EXOC5: variants seen among roughly 807,000 people sequenced by gnomAD.
EXOC5 encodes the protein SEC10-like 1.
Under a neutral mutation model 90.8 loss-of-function variants are expected in EXOC5, and 17 were observed. That is an observed-to-expected ratio of 0.19 (90% CI 0.13 to 0.28). The LOEUF (loss-of-function observed/expected upper bound fraction) is 0.28. Ranked by LOEUF, EXOC5 falls within the 10% of genes least tolerant of loss-of-function variation. The pLI is 1.00. For missense variants in EXOC5, 569 were observed against 830.6 expected (o/e 0.69, Z 3.87); for synonymous variants, 260 against 270.0 (o/e 0.96, Z 0.36).
At chr14:57,248,625 A>C (rs1037729853) in intron 1 of EXOC5, among the ~76,000 whole-genome samples, 3 of 152,066 alleles carry the variant, frequency 2.0e-5, no homozygotes, top group South Asian at 4.1e-4. Flanking sequence ...ACTAATACAC[A>C]CTAATTTACA....
rs1046655347 is a variant in EXOC5 at position 57,229,677 on chromosome 14, C to T, written c.1296+57G>A. ...ATCCTCGGAGGTTCTGGAATCAATT[C>T]CCCACAGATATCAAGGAACAACTGT... On this transcript the variant is annotated intron_variant, in intron 12 of 17. Transcript: ENST00000621441. 5 of 1,285,408 alleles carry T rather than the reference C, an allele frequency of 3.9e-6. No homozygotes were observed. In the African/African-American group the frequency reaches 5.9e-5, roughly 15 times the overall value. The allele number at this position is 1,285,408 out of a possible 1,614,324, so 79.6% of individuals were successfully genotyped here.
rs1882631986 is a variant in EXOC5, at chr14:57,205,752, A to G, written c.*2857T>C. On this transcript the variant is annotated 3_prime_UTR_variant, in exon 18 of 18. Coordinates refer to ENST00000621441, the MANE Select transcript of EXOC5 (RefSeq NM_006544.4). ...ATATTTAGAAGTGAAAGAGGGGGGA[A>G]AAAAGAATGATCTACAATGTAATAT... 1 of 392,720 alleles carries G rather than the reference A, an allele frequency of 2.5e-6. No homozygotes were observed. The allele number at this position is 392,720 out of a possible 1,614,324, so 24.3% of individuals were successfully genotyped here.
At chr14:57,252,040 C>T (rs1884211985) in intron 1 of EXOC5, among the ~76,000 whole-genome samples, 1 of 152,114 alleles carries the variant, frequency 6.6e-6, no homozygotes, top group South Asian at 2.1e-4. Context: ...CACCTATAGC[C>T]AGTAAGGGGA....
chr14:57,260,636 T>C (rs1451383885), intron 1 of EXOC5, among the ~76,000 whole-genome samples: 1 of 152,164 alleles, frequency 6.6e-6, no homozygotes, highest in Non-Finnish European at 1.5e-5. Context: ...ACAATTCCTG[T>C]TACACTAGTC....
At chr14:57,217,835 G>A (rs934200293) in intron 15 of EXOC5, 147 bp downstream of exon 15, 6 of 618,814 alleles carry the variant, frequency 9.7e-6, no homozygotes, top group East Asian at 2.9e-5. Context: ...TAATAAGGAT[G>A]AAGGCAATAT....
chr14:57,266,426 T>C (rs1188872888), intron 1 of EXOC5, among the ~76,000 whole-genome samples: 1 of 152,210 alleles, frequency 6.6e-6, no homozygotes, highest in Non-Finnish European at 1.5e-5. Flanking sequence ...GCTGGATTCA[T>C]AGCAGTACCA....
Position 57,208,058 on chromosome 14 carries a change from TCAAC to T in EXOC5, c.*547_*550del, listed in dbSNP as rs1882710327. 1 of 152,190 alleles carries T rather than the reference TCAAC, an allele frequency of 6.6e-6. No individual in the cohort carries two copies. The highest frequency in any genetic ancestry group is 1.5e-5 in the Non-Finnish European group (1 of 68,070). The allele number at this position is 152,190 out of a possible 1,614,324, so 9.4% of individuals were successfully genotyped here. ...TGCTGTACCTCAGAAAAAAATCCAA[TCAAC>T]CAACTGCAGAAAGTATGCTTAATTG... On this transcript the variant is annotated 3_prime_UTR_variant, in exon 18 of 18. Transcript: ENST00000621441.
At chr14:57,253,785 G>A (rs1272114092) in intron 1 of EXOC5, among the ~76,000 whole-genome samples, 3 of 152,186 alleles carry the variant, frequency 2.0e-5, no homozygotes, top group Non-Finnish European at 2.9e-5. Flanking sequence ...AGCAAATAAT[G>A]CTGGGAAAAC....
chr14:57,224,664 TC>T (rs1182325189), intron 12 of EXOC5, among the ~76,000 whole-genome samples: 1 of 152,092 alleles, frequency 6.6e-6, no homozygotes. Context: ...GAATACCAAT[TC>T]TACTCAAACT....
Position 57,234,766 on chromosome 14 carries a change from T to C in EXOC5, c.670-734A>G, listed in dbSNP as rs879923579. Among the ~76,000 whole-genome samples, 20 of 151,906 alleles carry C rather than the reference T, an allele frequency of 1.3e-4. 1 individual carries two copies. The highest frequency in any genetic ancestry group is 2.6e-4 in the Non-Finnish European group (18 of 67,952). ...TTTCTGTAGAGACAGGGTCTCACCATGTTGCCTAAGCTGATCTCGAACTCC... is the reference window on the plus strand; with the variant it reads ...TTTCTGTAGAGACAGGGTCTCACCACGTTGCCTAAGCTGATCTCGAACTCC... On this transcript the variant is annotated intron_variant, in intron 7 of 17. Transcript: ENST00000621441.
At chr14:57,243,148 T>C (rs1244456181) in intron 4 of EXOC5, 2 of 152,184 alleles carry the variant, frequency 1.3e-5, no homozygotes, top group Admixed American at 6.5e-5. Context: ...TTGGATACAG[T>C]GTACAATGTT....
rs577699140 is a variant in EXOC5 at position 57,231,730 on chromosome 14, G to A, written c.939-15C>T. 1.3e-4 allele frequency: 199 copies of A among 1,538,162 alleles called. 1 individual carries two copies. The African/African-American group carries it at 2.2e-3, about 17-fold the overall frequency. On this transcript the variant is annotated splice_polypyrimidine_tract_variant and intron_variant, in intron 10 of 17. Coordinates refer to ENST00000621441, the MANE Select transcript of EXOC5 (RefSeq NM_006544.4). ...GATTGGTGGTTCTTTTCATGAAAAA[G>A]GGGGAGAAAAAGATTAATATACATT...
chr14:57,262,463 C>G (rs1373741294), intron 1 of EXOC5, among the ~76,000 whole-genome samples: 1 of 151,602 alleles, frequency 6.6e-6, no homozygotes, highest in African/African-American at 2.4e-5. Context: ...TTCTGAGTTA[C>G]TAATTCATAT....
chr14:57,220,008 T>C (rs1883080408), intron 13 of EXOC5, among the ~76,000 whole-genome samples: 1 of 152,124 alleles, frequency 6.6e-6, no homozygotes, highest in Admixed American at 6.6e-5. Context: ...GATTTCCATT[T>C]CCTCCTTTTT....
chr14:57,205,149 G>A lies in EXOC5; in HGVS notation c.*3460C>T, dbSNP rs1036750545. Reference sequence around the variant, plus strand: ...TATGTGCAAAGGACTTATTAGCACAGTGTGTGAGACTTAAATCAATACATG... The same window carrying A: ...TATGTGCAAAGGACTTATTAGCACAATGTGTGAGACTTAAATCAATACATG... On this transcript the variant is annotated 3_prime_UTR_variant, in exon 18 of 18. Transcript: ENST00000621441. 3 of 152,008 alleles carry A rather than the reference G, an allele frequency of 2.0e-5. No homozygotes were observed. Among genetic ancestry groups the A allele is most frequent in the South Asian group, 2.1e-4 (1 of 4,832 alleles). The allele number at this position is 152,008 out of a possible 1,614,324, so 9.4% of individuals were successfully genotyped here.
At chr14:57,268,448 C>T (rs1884760218) in intron 1 of EXOC5, 174 bp downstream of exon 1, 1 of 1,481,896 alleles carries the variant, frequency 6.7e-7, no homozygotes, top group South Asian at 1.3e-5. Context: ...CACCCCTCCC[C>T]CATTTCACGC....
intron 15 of EXOC5, among the ~76,000 whole-genome samples, chr14:57,216,048 G>C (rs1448472937): frequency 2.7e-5 from 4 of 150,618 alleles, no homozygotes; most frequent in Non-Finnish European, 4.4e-5. Context: ...AAAAAAGAAA[G>C]AAAAAAAATC....
chr14:57,268,299 A>T lies in EXOC5; in HGVS notation c.27+323T>A, dbSNP rs1884754276. On this transcript the variant is annotated intron_variant, in intron 1 of 17. Transcript: ENST00000621441. ...CCTGAGTCAGCCCTTCCCACTACTCATCCGGAGTAGACATCTTCCAACACC... is the reference window on the plus strand; with the variant it reads ...CCTGAGTCAGCCCTTCCCACTACTCTTCCGGAGTAGACATCTTCCAACACC... 1.3e-5 allele frequency: 7 copies of T among 537,390 alleles called. No individual in the cohort carries two copies. In the South Asian group the frequency reaches 1.5e-4, roughly 12 times the overall value. The allele number at this position is 537,390 out of a possible 1,614,324, so 33.3% of individuals were successfully genotyped here.
chr14:57,221,207 G>T (rs1883128709), intron 13 of EXOC5, among the ~76,000 whole-genome samples: 1 of 152,140 alleles, frequency 6.6e-6, no homozygotes, highest in African/African-American at 2.4e-5. Context: ...GAGGCAAAAG[G>T]ATTTTGGGGA....
Sources: allele counts gnomAD v4.1 joint callset (sites outside exome capture counted in the v4.1 genomes callset), GRCh38; gene constraint gnomAD v4.1.1; transcripts MANE v1.5; gene names NCBI Gene and HGNC (gene_info 2026-07-23, HGNC 2026-07-21).